MYO5C: variants seen among roughly 807,000 people sequenced by gnomAD.
The protein encoded by MYO5C is unconventional myosin-Vc.
Under a neutral mutation model 235.7 loss-of-function variants are expected in MYO5C, and 194 were observed. That is an observed-to-expected ratio of 0.82 (90% CI 0.73 to 0.93). The LOEUF (loss-of-function observed/expected upper bound fraction) is 0.93. MYO5C is among the 40% of genes least tolerant of loss of function. MYO5C has a pLI of 0.00. For missense variants in MYO5C, 2,038 were observed against 2,127.2 expected, an observed-to-expected ratio of 0.96 and a Z score of 0.82; for synonymous variants, 707 against 754.8, an observed-to-expected ratio of 0.94 and a Z score of 1.04.
chr15:52,219,692 A>G (rs565162597), intron 31 of MYO5C, 67 bp downstream of exon 31: 1 of 1,258,424 alleles, frequency 7.9e-7, no homozygotes. Context: ...ACATCTTGGT[A>G]TATTCTACAG....
intron 4 of MYO5C, among the ~76,000 whole-genome samples, chr15:52,276,077 C>A (rs2037044506): frequency 6.6e-6 from 1 of 152,164 alleles, no homozygotes; most frequent in Non-Finnish European, 1.5e-5. Flanking sequence ...CTCTCCTCTG[C>A]CTTCCCCACC....
chr15:52,232,348 A>AAGAAG (rs2035983672), intron 24 of MYO5C, among the ~76,000 whole-genome samples: 1 of 151,288 alleles, frequency 6.6e-6, no homozygotes, highest in East Asian at 2.0e-4. Context: ...AAAGAAGAGA[A>AAGAAG]AGAAAGAAAG....
intron 34 of MYO5C, 86 bp downstream of exon 34, chr15:52,213,102 G>T: frequency 2.1e-6 from 2 of 972,422 alleles, no homozygotes; most frequent in Non-Finnish European, 1.6e-6. Flanking sequence ...GTAGAAAAAG[G>T]ACCACCCCTG....
intron 2 of MYO5C, among the ~76,000 whole-genome samples, chr15:52,281,629 C>T (rs560706656): frequency 9.1e-4 from 138 of 152,306 alleles, no homozygotes; most frequent in African/African-American, 3.2e-3. Context: ...AACCCTGGGA[C>T]GGTGCACAGT....
At chr15:52,205,189 A>G (rs2141266782) in intron 37 of MYO5C, 42 bp from the exon 38 acceptor site, 1 of 1,599,270 alleles carries the variant, frequency 6.3e-7, no homozygotes, top group Middle Eastern at 1.8e-4. Context: ...GCCAGGAGAC[A>G]CACGCGGAAC....
chr15:52,203,106 A>T (rs968425671), intron 38 of MYO5C, among the ~76,000 whole-genome samples: 1 of 151,864 alleles, frequency 6.6e-6, no homozygotes, highest in Non-Finnish European at 1.5e-5. Context: ...TATTTTTAGT[A>T]CAGACAGAGG....
At position 52,239,195 on chromosome 15, in the gene MYO5C, C is replaced by G. The variant is rs138647291; in HGVS notation, c.2703+538G>C. 6.1e-3 allele frequency among the ~76,000 whole-genome samples: 935 copies of G among 152,272 alleles called. 13 individuals carry two copies. Among genetic ancestry groups the G allele is most frequent in the African/African-American group, 0.022 (900 of 41,558 alleles). ...CGAAGTCCCAACCTCAGGTGATCCG[C>G]CCCCCATGGCCTCCCAAAGTGCTGG... is the stretch of plus-strand genomic sequence containing the variant. On this transcript the variant is annotated intron_variant, in intron 21 of 40. Coordinates refer to ENST00000261839, the MANE Select transcript of MYO5C (RefSeq NM_018728.4).
chr15:52,195,583 A>G (rs545664268), intron 39 of MYO5C, 126 bp from the exon 40 acceptor site: 4 of 559,572 alleles, frequency 7.1e-6, no homozygotes, highest in Non-Finnish European at 1.2e-5. Context: ...AATTTGGTTC[A>G]GGAACTGTAT....
intron 4 of MYO5C, chr15:52,277,338 C>A (rs2140853903): frequency 2.1e-6 from 1 of 480,628 alleles, no homozygotes. Context: ...GAGCTCATCC[C>A]ACCCATACCC....
chr15:52,277,722 G>C (rs1566991732), intron 4 of MYO5C: 1 of 400,508 alleles, frequency 2.5e-6, no homozygotes, highest in Non-Finnish European at 4.9e-6. Context: ...CCCTGAGGAT[G>C]ACGGCCCCAC....
At chr15:52,266,718 G>A (rs2036820470) in intron 8 of MYO5C, among the ~76,000 whole-genome samples, 1 of 152,204 alleles carries the variant, frequency 6.6e-6, no homozygotes, top group Non-Finnish European at 1.5e-5. Context: ...AGTGCCCACC[G>A]CAATATGAGA....
intron 1 of MYO5C, among the ~76,000 whole-genome samples, chr15:52,294,423 A>G (rs1343811242): frequency 6.6e-6 from 1 of 152,266 alleles, no homozygotes; most frequent in African/African-American, 2.4e-5. Flanking sequence ...TGGAGATGCA[A>G]TAGAGGAGAA....
In MYO5C at chr15:52,194,031, A is replaced by G. The variant is rs749102649; in HGVS notation, c.5100T>C (p.Asp1700=). Residue 1700 remains aspartate (D), a synonymous_variant, in exon 41 of 41, where the codon GAT becomes GAC. Transcript: ENST00000261839. ...TGGTATCCAACATCAGCTGTGATGA[A>G]TCCTCCCGGCTATTTAGGAGAGCCT... ...KVQALLNSRE[D]SSQLMLDTKY... The G allele has an allele frequency of 2.5e-6, 4 of 1,613,358 alleles. No homozygotes were observed. The highest frequency in any genetic ancestry group is 1.1e-5 in the South Asian group (1 of 90,810).
At chr15:52,196,016 G>T (rs1327884224) in intron 39 of MYO5C, among the ~76,000 whole-genome samples, 2 of 112,486 alleles carry the variant, frequency 1.8e-5, no homozygotes, top group East Asian at 3.4e-4. Context: ...TTGTTATGTT[G>T]CCCAGACTAG....
chr15:52,236,448 G>A (rs1334596980), intron 22 of MYO5C, among the ~76,000 whole-genome samples: 1 of 152,208 alleles, frequency 6.6e-6, no homozygotes, highest in East Asian at 1.9e-4. Context: ...CCAAGCGGGG[G>A]TGGATCACTG....
At chr15:52,274,599 T>C (rs1212676070) in intron 5 of MYO5C, among the ~76,000 whole-genome samples, 1 of 152,122 alleles carries the variant, frequency 6.6e-6, no homozygotes, top group Non-Finnish European at 1.5e-5. Context: ...TCTATTGGTA[T>C]CTTGGATTGT....
At chr15:52,208,771 A>C (rs1231929060) in intron 35 of MYO5C, 128 bp from the exon 36 acceptor site, 1 of 644,460 alleles carries the variant, frequency 1.6e-6, no homozygotes, top group Admixed American at 2.8e-5. Flanking sequence ...GCCTTTATCC[A>C]ATTCATATTA....
chr15:52,224,478 A>T (rs185765164), intron 28 of MYO5C, among the ~76,000 whole-genome samples: 1 of 152,322 alleles, frequency 6.6e-6, no homozygotes, highest in East Asian at 1.9e-4. Flanking sequence ...GGAAGTTGAC[A>T]GTGGGGGAGG....
At chr15:52,285,228 C>T (rs2037234688) in intron 1 of MYO5C, among the ~76,000 whole-genome samples, 2 of 151,912 alleles carry the variant, frequency 1.3e-5, no homozygotes, top group African/African-American at 4.8e-5. Context: ...ATTAGCTGGG[C>T]GTGGTGGTGC....
Sources: allele counts gnomAD v4.1 joint callset (sites outside exome capture counted in the v4.1 genomes callset), GRCh38; gene constraint gnomAD v4.1.1; transcripts MANE v1.5; gene names NCBI Gene and HGNC (gene_info 2026-07-23, HGNC 2026-07-21).